MAP3K5: variants seen among roughly 807,000 people sequenced by gnomAD.
MAP3K5 encodes the protein ASK-1.
A neutral mutation model predicts 158.7 loss-of-function variants in MAP3K5; 56 were observed. The observed-to-expected ratio is 0.35, with a 90% confidence interval of 0.28 to 0.44. The LOEUF is 0.44. MAP3K5 is among the 20% of genes least tolerant of loss of function. The probability of loss-of-function intolerance (pLI) is 1.00; values close to 1 mark genes in which losing one functional copy is unlikely to be tolerated. For missense variants in MAP3K5, 1,294 were observed against 1,674.8 expected (o/e 0.77, Z 3.97); for synonymous variants, 579 against 601.7 (o/e 0.96, Z 0.55).
chr6:136,567,438 G>A (rs1774168834), intron 26 of MAP3K5, among the ~76,000 whole-genome samples, 193 bp downstream of exon 26: 1 of 152,210 alleles, frequency 6.6e-6, no homozygotes, highest in Non-Finnish European at 1.5e-5. Context: ...GCTGAAAAAG[G>A]CTTAAACTGG....
chr6:136,791,604 G>T (rs1425867435), intron 1 of MAP3K5, 106 bp downstream of exon 1: 21 of 1,253,896 alleles, frequency 1.7e-5, no homozygotes, highest in Non-Finnish European at 2.3e-5. Context: ...CCCAAAGTGG[G>T]GCAAGAAGTA....
chr6:136,568,794 G>A (rs1311238482), intron 25 of MAP3K5, among the ~76,000 whole-genome samples: 4 of 147,924 alleles, frequency 2.7e-5, no homozygotes, highest in African/African-American at 1.0e-4. Context: ...GGAGGCAGAG[G>A]TTGTGGTGAG....
At chr6:136,641,567 T>C (rs527932485) in intron 12 of MAP3K5, among the ~76,000 whole-genome samples, 3 of 152,112 alleles carry the variant, frequency 2.0e-5, no homozygotes, top group South Asian at 4.1e-4. Context: ...CTACTGGCAT[T>C]GTGACAGCAG....
intron 11 of MAP3K5, among the ~76,000 whole-genome samples, chr6:136,645,529 T>C (rs1223641197): frequency 6.6e-6 from 1 of 152,226 alleles, no homozygotes; most frequent in Non-Finnish European, 1.5e-5. Context: ...GGGGAAATTC[T>C]AAATAACCAT....
chr6:136,771,545 T>C (rs938446519), intron 1 of MAP3K5, among the ~76,000 whole-genome samples: 28 of 152,168 alleles, frequency 1.8e-4, no homozygotes, highest in Non-Finnish European at 8.8e-5. Context: ...CTGAGAAATT[T>C]CTGCAAAAAC....
intron 15 of MAP3K5, 109 bp downstream of exon 15, chr6:136,622,739 G>GT (rs753418612): frequency 9.9e-6 from 12 of 1,212,690 alleles, no homozygotes; most frequent in Non-Finnish European, 1.3e-5. Flanking sequence ...AATTCACAGA[G>GT]TGAAGTTTTC....
intron 11 of MAP3K5, among the ~76,000 whole-genome samples, chr6:136,647,543 CAT>C (rs370262763): frequency 3.4e-4 from 52 of 152,136 alleles, no homozygotes; most frequent in Non-Finnish European, 5.4e-4. Flanking sequence ...CCTACCGACA[CAT>C]GTTTAAAATT....
At chr6:136,704,674 T>A (rs1024582966) in intron 3 of MAP3K5, among the ~76,000 whole-genome samples, 1 of 152,168 alleles carries the variant, frequency 6.6e-6, no homozygotes, top group African/African-American at 2.4e-5. Flanking sequence ...GCCTCCTGAG[T>A]AGCTGGGATT....
chr6:136,666,304 G>T (rs1490629642), intron 8 of MAP3K5, among the ~76,000 whole-genome samples: 1 of 152,164 alleles, frequency 6.6e-6, no homozygotes, highest in Non-Finnish European at 1.5e-5. Flanking sequence ...TTACATTTGA[G>T]ATCTTAAGAT....
At chr6:136,655,707 AGT>A (rs61536898) in intron 10 of MAP3K5, among the ~76,000 whole-genome samples, 49,945 of 149,722 alleles carry the variant, frequency 0.33, 8,529 homozygotes, top group Middle Eastern at 0.4. Context: ...ATTTTTTTAA[AGT>A]GTGTGTGTGT....
At chr6:136,637,524 G>C in intron 13 of MAP3K5, 118 bp from the exon 14 acceptor site, 1 of 674,068 alleles carries the variant, frequency 1.5e-6, no homozygotes, top group Non-Finnish European at 2.7e-6. Context: ...CCAGAACCAG[G>C]CAATAACACA....
At position 136,659,353 on chromosome 6, in the gene MAP3K5, A is replaced by T. The variant is rs201550250; in HGVS notation, c.1392T>A (p.Gly464=). ...GGAGTTTTTCCAAGTTTCCCTTTTT[A>T]CCAAGAAGACTACTTAGCTTCACCC... ...KVGVKLSSLL[G]KKGNLEKLQS... The change falls in exon 9 of 30, where the codon GGT becomes GGA. Residue 464 remains glycine (G), a synonymous_variant. Coordinates refer to ENST00000359015, the MANE Select transcript of MAP3K5 (RefSeq NM_005923.4). The T allele has an allele frequency of 6.2e-7, 1 of 1,614,074 alleles. No homozygotes were observed. Among genetic ancestry groups the T allele is most frequent in the African/African-American group, 1.3e-5 (1 of 75,032 alleles).
At chr6:136,716,371 C>T (rs1781528361) in intron 2 of MAP3K5, among the ~76,000 whole-genome samples, 1 of 152,162 alleles carries the variant, frequency 6.6e-6, no homozygotes, top group Non-Finnish European at 1.5e-5. Context: ...CACGTGCAGT[C>T]ATGTTTCATC....
At chr6:136,558,718 G>A (rs1830364885) in intron 29 of MAP3K5, 82 bp downstream of exon 29, 4 of 877,180 alleles carry the variant, frequency 4.6e-6, no homozygotes, top group Non-Finnish European at 7.6e-6. Flanking sequence ...GCTAATTAGA[G>A]ACCCAGCCTG....
chr6:136,627,220 T>G lies in MAP3K5; in HGVS notation c.2017-4239A>C, dbSNP rs116937964. 8.0e-3 allele frequency among the ~76,000 whole-genome samples: 1,218 copies of G among 152,316 alleles called. 6 individuals carry two copies. The highest frequency in any genetic ancestry group is 0.014 in the Non-Finnish European group (944 of 68,026). ...CTCACAAATCCATTTTACCTCCTTATTCTCACCGGAGTTGCCTCAGAATCT... is the reference window on the plus strand; with the variant it reads ...CTCACAAATCCATTTTACCTCCTTAGTCTCACCGGAGTTGCCTCAGAATCT... On this transcript the variant is annotated intron_variant, in intron 14 of 29. Coordinates refer to ENST00000359015, the MANE Select transcript of MAP3K5 (RefSeq NM_005923.4).
At chr6:136,789,050 T>C (rs6899530) in intron 1 of MAP3K5, among the ~76,000 whole-genome samples, 100,234 of 152,172 alleles carry the variant, frequency 0.66, 33,437 homozygotes, top group African/African-American at 0.77. Flanking sequence ...GTAATCCCAA[T>C]ACTTTGGGAG....
chr6:136,561,468 T>G, intron 28 of MAP3K5, 65 bp downstream of exon 28: 1 of 1,212,074 alleles, frequency 8.3e-7, no homozygotes, highest in Admixed American at 1.7e-5. Flanking sequence ...GCCTGTCACA[T>G]AGCAGGCACC....
chr6:136,567,941 T>C lies in MAP3K5; in HGVS notation c.3518-67A>G, dbSNP rs1159959237. 7.2e-6 allele frequency: 11 copies of C among 1,518,030 alleles called. No individual in the cohort carries two copies. The South Asian group carries it at 9.7e-5, about 13-fold the overall frequency. The allele number at this position is 1,518,030 out of a possible 1,614,324, so 94.0% of individuals were successfully genotyped here. A position where few individuals can be genotyped will look rare whatever the true frequency, so the allele number is the denominator to read the frequency against. On this transcript the variant is annotated intron_variant, in intron 25 of 29. Transcript: ENST00000359015. Reference sequence around the variant, plus strand: ...CTCATTGCCTTAATTTCTTAAGATATGAATGCTACCCTCCTGCCCCACCGT... The same window carrying C: ...CTCATTGCCTTAATTTCTTAAGATACGAATGCTACCCTCCTGCCCCACCGT...
chr6:136,637,763 A>C (rs1291265338), intron 13 of MAP3K5, among the ~76,000 whole-genome samples: 4 of 151,964 alleles, frequency 2.6e-5, no homozygotes, highest in Non-Finnish European at 5.9e-5. Context: ...TTCAGAGAGG[A>C]GGCTGATGGT....
Sources: allele counts gnomAD v4.1 joint callset (sites outside exome capture counted in the v4.1 genomes callset), GRCh38; gene constraint gnomAD v4.1.1; transcripts MANE v1.5; gene names NCBI Gene and HGNC (gene_info 2026-07-23, HGNC 2026-07-21).